TEX10: variants seen among roughly 807,000 people sequenced by gnomAD.
TEX10 encodes testis-expressed protein 10.
A neutral mutation model predicts 104.4 loss-of-function variants in TEX10; 24 were observed. The observed-to-expected ratio is 0.23, with a 90% CI of 0.17 to 0.32. The LOEUF (loss-of-function observed/expected upper bound fraction) is 0.32. Among genes scored for constraint, TEX10 ranks in the 10% least tolerant of loss-of-function variants. TEX10 has a pLI of 1.00. For synonymous variants in TEX10, 396 were observed against 393.4 expected, an observed-to-expected ratio of 1.01 and a Z score of -0.08; for missense variants, 921 against 1,083.9, an observed-to-expected ratio of 0.85 and a Z score of 2.11.
chr9:100,308,629 A>G lies in TEX10; in HGVS notation c.2336T>C (p.Ile779Thr). ...ACAAGTATGATCCAGGAGCTTACAG[A>G]TAACACCAAAAACACAGCCAGCCGT... ...DSTAGCVFGV[I>T]CKLLDHTCVV... The change falls in exon 13 of 15, where the codon ATC (isoleucine) becomes ACC (threonine). Residue 779 changes from isoleucine to threonine, a missense_variant. Physicochemically the swap from Ile to Thr is moderately conservative, Grantham distance 89. Transcript: ENST00000374902. 1.9e-6 allele frequency: 3 copies of G among 1,610,946 alleles called. No individual in the cohort carries two copies. Among genetic ancestry groups the G allele is most frequent in the Non-Finnish European group, 2.5e-6 (3 of 1,178,562 alleles).
At chr9:100,347,464 T>C in intron 2 of TEX10, 58 bp from the exon 3 acceptor site, 1 of 1,354,732 alleles carries the variant, frequency 7.4e-7, no homozygotes, top group Non-Finnish European at 1.0e-6. Context: ...CAATTTCACG[T>C]AAACATGCTA....
chr9:100,330,299 T>G, intron 5 of TEX10, 130 bp from the exon 6 acceptor site: 3 of 716,768 alleles, frequency 4.2e-6, no homozygotes, highest in Non-Finnish European at 7.1e-6. Context: ...GCCAAGAAGA[T>G]AGGTGCATAG....
chr9:100,311,629 T>C (rs899270990), intron 11 of TEX10, among the ~76,000 whole-genome samples: 1 of 152,172 alleles, frequency 6.6e-6, no homozygotes, highest in Non-Finnish European at 1.5e-5. Flanking sequence ...CCTGTTCAAT[T>C]TAATCATAAC....
Position 100,336,209 on chromosome 9 carries a change from T to C in TEX10, c.1250+4048A>G, listed in dbSNP as rs572178994. 2.0e-3 allele frequency among the ~76,000 whole-genome samples: 309 copies of C among 152,186 alleles called. 2 individuals carry two copies. The highest frequency in any genetic ancestry group is 3.6e-3 in the Non-Finnish European group (243 of 67,988). ...AAATAAACAAAAAATAAAAATACAC[T>C]GGGGGTACCTGAATAAGAAGTGCAA... On this transcript the variant is annotated intron_variant, in intron 5 of 14. Coordinates refer to ENST00000374902, the MANE Select transcript of TEX10 (RefSeq NM_017746.4).
chr9:100,312,683 T>C (rs1834310333), intron 11 of TEX10, among the ~76,000 whole-genome samples: 1 of 152,032 alleles, frequency 6.6e-6, no homozygotes, highest in Non-Finnish European at 1.5e-5. Flanking sequence ...CTACCTGAAC[T>C]CTCCCCAAGT....
rs377299262 is a variant in TEX10 at position 100,317,863 on chromosome 9, A to C, written c.2202+2402T>G. On this transcript the variant is annotated intron_variant, in intron 11 of 14. Transcript: ENST00000374902. ...TTTCAAGATGACAAATTGGCCAAAA[A>C]GGCACACATGAAAAAATGTTCAACA... Among the ~76,000 whole-genome samples the C allele has an allele frequency of 2.0e-5, 3 of 152,338 alleles. No individual in the cohort carries two copies. The East Asian group carries it at 5.8e-4, about 29-fold the overall frequency.
At chr9:100,306,363 G>C (rs969585682) in intron 13 of TEX10, 3 of 152,098 alleles carry the variant, frequency 2.0e-5, no homozygotes, top group African/African-American at 7.2e-5. Context: ...ATCTACACTA[G>C]GACACATCCT....
Position 100,307,182 on chromosome 9 carries a change from G to T in TEX10, c.2465+1318C>A, listed in dbSNP as rs150905155. The T allele has an allele frequency of 4.0e-3, 614 of 152,290 alleles. 4 individuals are homozygous for T. The highest frequency in any genetic ancestry group is 0.014 in the African/African-American group (591 of 41,568). The allele number at this position is 152,290 out of a possible 1,614,324, so 9.4% of individuals were successfully genotyped here. A position where few individuals can be genotyped will look rare whatever the true frequency, so the allele number is the denominator to read the frequency against. ...AAAATTTGAATGCTGACAATAAAATGGCTAAGTTATGGTACATGCATGTAA... is the reference window on the plus strand; with the variant it reads ...AAAATTTGAATGCTGACAATAAAATTGCTAAGTTATGGTACATGCATGTAA... On this transcript the variant is annotated intron_variant, in intron 13 of 14. Coordinates refer to ENST00000374902, the MANE Select transcript of TEX10 (RefSeq NM_017746.4).
chr9:100,349,406 TAG>T (rs543835240), intron 1 of TEX10, 34 bp from the exon 2 acceptor site: 1 of 1,420,360 alleles, frequency 7.0e-7, no homozygotes. Context: ...AAGCAATGGA[TAG>T]AGACAAGAAT....
Position 100,326,203 on chromosome 9 carries a change from T to G in TEX10, c.1979+99A>C. On this transcript the variant is annotated intron_variant, in intron 9 of 14. Transcript: ENST00000374902. ...TTGTTGCATTAAGAGTAAATGAAAG[T>G]AGTGTATGCGACTTCAAAAGGCTTC... 3 of 1,222,704 alleles carry G rather than the reference T, an allele frequency of 2.5e-6. No individual in the cohort carries two copies. In the East Asian group the frequency reaches 7.6e-5, roughly 31 times the overall value. The allele number at this position is 1,222,704 out of a possible 1,614,324, so 75.7% of individuals were successfully genotyped here.
intron 11 of TEX10, among the ~76,000 whole-genome samples, chr9:100,315,487 T>C (rs916977870): frequency 1.3e-5 from 2 of 152,202 alleles, no homozygotes; most frequent in Non-Finnish European, 2.9e-5. Flanking sequence ...AGAATTGTTA[T>C]ATCCTCTTGC....
intron 5 of TEX10, among the ~76,000 whole-genome samples, chr9:100,337,242 T>G (rs997144549): frequency 6.6e-6 from 1 of 152,226 alleles, no homozygotes; most frequent in Non-Finnish European, 1.5e-5. Flanking sequence ...CATGAAATGC[T>G]CAGCAACTAG....
chr9:100,316,890 T>C (rs1440113066), intron 11 of TEX10, among the ~76,000 whole-genome samples: 1 of 42,068 alleles, frequency 2.4e-5, no homozygotes, highest in Non-Finnish European at 4.2e-5. Context: ...CCACTTATAA[T>C]AGCTAAAAAA....
intron 11 of TEX10, among the ~76,000 whole-genome samples, chr9:100,311,980 G>A (rs1311769955): frequency 6.8e-6 from 1 of 147,910 alleles, no homozygotes; most frequent in Non-Finnish European, 1.5e-5. Flanking sequence ...GAGAGTGTGT[G>A]GGGGGGGGAA....
intron 4 of TEX10, among the ~76,000 whole-genome samples, chr9:100,344,097 T>C (rs1434349204): frequency 6.6e-6 from 1 of 152,218 alleles, no homozygotes; most frequent in Non-Finnish European, 1.5e-5. Flanking sequence ...ATGGTTCTTA[T>C]CAAGTTATTA....
intron 11 of TEX10, 80 bp from the exon 12 acceptor site, chr9:100,310,459 GA>G: frequency 7.5e-7 from 1 of 1,332,348 alleles, no homozygotes; most frequent in African/African-American, 1.5e-5. Flanking sequence ...TTTTTTTTGA[GA>G]CAGAGTTTCA....
intron 6 of TEX10, 23 bp from the exon 7 acceptor site, chr9:100,329,298 T>C (rs1368959949): frequency 2.5e-6 from 4 of 1,583,114 alleles, no homozygotes; most frequent in Non-Finnish European, 3.4e-6. Context: ...AGAAAACAAC[T>C]TGCATATGAA....
At chr9:100,346,424 G>A (rs1285434971) in intron 3 of TEX10, 109 bp from the exon 4 acceptor site, 12 of 1,243,544 alleles carry the variant, frequency 9.6e-6, no homozygotes, top group African/African-American at 3.0e-5. Flanking sequence ...ACCATGAACT[G>A]ATAATTACAT....
At chr9:100,341,069 C>T (rs1307647217) in intron 4 of TEX10, among the ~76,000 whole-genome samples, 8 of 152,194 alleles carry the variant, frequency 5.3e-5, no homozygotes, top group South Asian at 2.1e-4. Context: ...CAGATTGAAG[C>T]GATTCTCATG....
Sources: allele counts gnomAD v4.1 joint callset (sites outside exome capture counted in the v4.1 genomes callset), GRCh38; gene constraint gnomAD v4.1.1; transcripts MANE v1.5; gene names NCBI Gene and HGNC (gene_info 2026-07-23, HGNC 2026-07-21).